The following TTC21A variants were observed in gnomAD, a reference collection of about 807,000 sequenced individuals.
The protein encoded by TTC21A is tetratricopeptide repeat protein 21A.
A neutral mutation model predicts 156.4 loss-of-function variants in TTC21A; 128 were observed. The observed-to-expected ratio is 0.82, with a 90% confidence interval of 0.71 to 0.95. The LOEUF is 0.95. Among genes scored for constraint, TTC21A ranks in the 40% least tolerant of loss-of-function variants. TTC21A has a pLI of 0.00. For missense variants in TTC21A, 1,435 were observed against 1,602.3 expected (o/e 0.90, Z 1.78); for synonymous variants, 587 against 617.1 (o/e 0.95, Z 0.72).
intron 6 of TTC21A, among the ~76,000 whole-genome samples, chr3:39,116,384 G>A (rs1389279817): frequency 6.6e-6 from 1 of 151,850 alleles, no homozygotes; most frequent in Non-Finnish European, 1.5e-5. Flanking sequence ...TTTGAGTTTT[G>A]TAGCTCCTTT....
chr3:39,138,567 G>A lies in TTC21A; in HGVS notation c.3808G>A (p.Ala1270Thr). ...HANPAIGFKL[A>T]FNYLKDKKFV... ...CATGTCCCCGGTAGGCTTCAAACTT[G>A]CTTTCAACTACCTGAAGGACAAGAA... is the stretch of plus-strand genomic sequence containing the variant. The change falls in exon 28 of 29, where the codon GCT (alanine) becomes ACT (threonine). Residue 1270 changes from alanine (A) to threonine (T), a missense_variant. By Grantham distance (58) the Ala-to-Thr change is moderately conservative (BLOSUM62 0). Transcript: ENST00000683103. The A allele has an allele frequency of 6.2e-7, 1 of 1,614,206 alleles. No individual in the cohort carries two copies. The highest frequency in any genetic ancestry group is 1.1e-5 in the South Asian group (1 of 91,088).
chr3:39,134,085 G>T lies in TTC21A; in HGVS notation c.2752-133G>T, dbSNP rs784492. The T allele has an allele frequency of 0.73, 513,157 of 703,252 alleles. 190,005 individuals carry two copies. Among genetic ancestry groups the T allele is most frequent in the South Asian group, 0.79 (49,286 of 62,182 alleles). The allele number at this position is 703,252 out of a possible 1,614,324, so 43.6% of individuals were successfully genotyped here. On this transcript the variant is annotated intron_variant, in intron 20 of 28. Coordinates refer to ENST00000683103, the MANE Select transcript of TTC21A (RefSeq NM_001366900.1). This position sits in a 1 kb window ranked among gnomAD's most constrained non-coding sequence, Gnocchi z 4.6. ...AGAAGGGGAAGGCCAGGACGTTCACGTGGGGAATTCGAGACATATTTTGAA... is the reference window on the plus strand; with the variant it reads ...AGAAGGGGAAGGCCAGGACGTTCACTTGGGGAATTCGAGACATATTTTGAA...
chr3:39,109,082 C>A lies in TTC21A; in HGVS notation c.28-3C>A. 1 of 1,613,180 alleles carries A rather than the reference C, an allele frequency of 6.2e-7. No individual in the cohort carries two copies. The highest frequency in any genetic ancestry group is 8.5e-7 in the Non-Finnish European group (1 of 1,179,234). ...TATTGCAGTTATGTCTTCCTTCATA[C>A]AGGCTGGGATCATTTACTATAGCCA... is the stretch of plus-strand genomic sequence containing the variant. On this transcript the variant is annotated splice_polypyrimidine_tract_variant and splice_region_variant and intron_variant, in intron 1 of 28. Coordinates refer to ENST00000683103, the MANE Select transcript of TTC21A (RefSeq NM_001366900.1).
At chr3:39,108,529 T>C (rs1028739512) in intron 1 of TTC21A, among the ~76,000 whole-genome samples, 4 of 152,360 alleles carry the variant, frequency 2.6e-5, no homozygotes, top group South Asian at 4.1e-4. Context: ...GGATGGTGTC[T>C]GGGCTCTTTC....
At chr3:39,126,576 G>T (rs1042061960) in intron 12 of TTC21A, among the ~76,000 whole-genome samples, 186 bp downstream of exon 12, 1 of 143,960 alleles carries the variant, frequency 6.9e-6, no homozygotes, top group Non-Finnish European at 1.5e-5. Context: ...CTCCTTGCCT[G>T]GGGTACTACA....
In TTC21A at chr3:39,130,448, G is replaced by A; in HGVS notation, c.2319+90G>A. On this transcript the variant is annotated intron_variant, in intron 17 of 28. Coordinates refer to ENST00000683103, the MANE Select transcript of TTC21A (RefSeq NM_001366900.1). The surrounding 1 kb of genome is among the most constrained non-coding windows in gnomAD (Gnocchi z 4.5). ...TACATGACTGGGGAGCTCTGGGTGG[G>A]AGGAGAGTGGCTGACTTTTCACTCA... 8.8e-7 allele frequency: 1 copy of A among 1,131,156 alleles called. No individual in the cohort carries two copies. The highest frequency in any genetic ancestry group is 1.3e-6 in the Non-Finnish European group (1 of 796,636). The allele number at this position is 1,131,156 out of a possible 1,614,324, so 70.1% of individuals were successfully genotyped here.
rs368418510 is a variant in TTC21A, at chr3:39,133,049, G to A, written c.2563-3G>A. The A allele has an allele frequency of 6.8e-6, 11 of 1,613,804 alleles. No homozygotes were observed. The highest frequency in any genetic ancestry group is 1.7e-5 in the Admixed American group (1 of 59,972). Reference sequence around the variant, plus strand: ...CTGATCCTGGCTTGATTGGTTTCTCGAGGCCTTGGACCTCCAGTCTCGGAT... The same window carrying A: ...CTGATCCTGGCTTGATTGGTTTCTCAAGGCCTTGGACCTCCAGTCTCGGAT... On this transcript the variant is annotated splice_region_variant and splice_polypyrimidine_tract_variant and intron_variant, in intron 19 of 28. Transcript: ENST00000683103.
At chr3:39,132,358 T>A (rs1179682015) in intron 19 of TTC21A, among the ~76,000 whole-genome samples, 1 of 152,210 alleles carries the variant, frequency 6.6e-6, no homozygotes, top group Non-Finnish European at 1.5e-5. Context: ...GGGCTGCCCC[T>A]GATCCGAGAG....
chr3:39,120,054 C>A, intron 8 of TTC21A, 34 bp downstream of exon 8: 1 of 1,434,746 alleles, frequency 7.0e-7, no homozygotes, highest in Non-Finnish European at 9.8e-7. Flanking sequence ...TGAAATGGTG[C>A]TTCTCCCTGC....
rs1041786979 is a variant in TTC21A at position 39,107,857 on chromosome 3, C to T, written c.20C>T (p.Ser7Phe). 1.9e-6 allele frequency: 3 copies of T among 1,613,060 alleles called. No individual in the cohort carries two copies. Among genetic ancestry groups the T allele is most frequent in the Admixed American group, 1.7e-5 (1 of 60,024 alleles). MSSNDS[S>F]LMAGIIYYSQ... Reference sequence around the variant, plus strand: ...CCCGAGATGAGCAGCAATGACTCCTCCCTTATGGTGCGTGGCCCGGGCGCT... The same window carrying T: ...CCCGAGATGAGCAGCAATGACTCCTTCCTTATGGTGCGTGGCCCGGGCGCT... The change falls in exon 1 of 29, where the codon TCC becomes TTC. Residue 7 changes from serine (S) to phenylalanine (F), a missense_variant. By Grantham distance (155) the Ser-to-Phe change is radical. Coordinates refer to ENST00000683103, the MANE Select transcript of TTC21A (RefSeq NM_001366900.1).
intron 9 of TTC21A, 107 bp from the exon 10 acceptor site, chr3:39,124,956 A>C (rs2038095074): frequency 1.3e-6 from 1 of 772,020 alleles, no homozygotes; most frequent in Non-Finnish European, 2.3e-6. Flanking sequence ...AAGATCCCCT[A>C]CACTGAGACA....
At position 39,134,144 on chromosome 3, in the gene TTC21A, G is replaced by T; in HGVS notation, c.2752-74G>T. 1.1e-6 allele frequency: 1 copy of T among 905,272 alleles called. No homozygotes were observed. Among genetic ancestry groups the T allele is most frequent in the South Asian group, 1.4e-5 (1 of 73,616 alleles). The allele number at this position is 905,272 out of a possible 1,614,324, so 56.1% of individuals were successfully genotyped here. ...TGATAGAAGTGGGGTGTGAGGGAAA[G>T]AGCTGTCAAGGATAACCCCAGGGGT... On this transcript the variant is annotated intron_variant, in intron 20 of 28. Transcript: ENST00000683103. This position sits in a 1 kb window ranked among gnomAD's most constrained non-coding sequence, Gnocchi z 4.6.
chr3:39,131,391 A>C, intron 19 of TTC21A: 1 of 287,988 alleles, frequency 3.5e-6, no homozygotes, highest in African/African-American at 2.2e-5. Context: ...GCTCCCATGC[A>C]TTGAAAGCTC....
Position 39,125,346 on chromosome 3 carries a change from C to G in TTC21A, c.1206C>G (p.Leu402=). Reference sequence around the variant, plus strand: ...CTCTTCCACAGGTGCTAATTTTCCTCCAAGCCCTCCTGATGTCCAGGAAGC... The same window carrying G: ...CTCTTCCACAGGTGCTAATTTTCCTGCAAGCCCTCCTGATGTCCAGGAAGC... ...SLGKSEVLIF[L]QALLMSRKHK... Residue 402 remains leucine (L), a synonymous_variant, in exon 11 of 29, where the codon CTC becomes CTG. Coordinates refer to ENST00000683103, the MANE Select transcript of TTC21A (RefSeq NM_001366900.1). 1 of 1,614,060 alleles carries G rather than the reference C, an allele frequency of 6.2e-7. No homozygotes were observed. The highest frequency in any genetic ancestry group is 8.5e-7 in the Non-Finnish European group (1 of 1,180,006).
Position 39,125,480 on chromosome 3 carries a change from C to G in TTC21A, c.1340C>G (p.Pro447Arg). The change falls in exon 11 of 29, where the codon CCG (proline) becomes CGG (arginine). Residue 447 changes from proline (P) to arginine (R), a missense_variant. Transcript: ENST00000683103. ...TCTGAGTACTTTGAAAAGCTGGACC[C>G]GTACTTCCTGGTCTGCATTGCTAAG... is the stretch of plus-strand genomic sequence containing the variant. The part of the protein sequence containing the change: ...LGSEYFEKLD[P>R]YFLVCIAKEY... 6.2e-7 allele frequency: 1 copy of G among 1,614,052 alleles called. No homozygotes were observed. The highest frequency in any genetic ancestry group is 2.2e-5 in the East Asian group (1 of 44,880).
intron 6 of TTC21A, among the ~76,000 whole-genome samples, chr3:39,117,085 C>T (rs911330906): frequency 2.0e-5 from 3 of 152,152 alleles, no homozygotes; most frequent in African/African-American, 7.2e-5. Context: ...GAAGTCTGTG[C>T]GTGTCCCTTG....
chr3:39,138,503 G>A (rs116054263), intron 27 of TTC21A, 53 bp from the exon 28 acceptor site: 2 of 1,612,260 alleles, frequency 1.2e-6, no homozygotes, highest in African/African-American at 2.7e-5. Flanking sequence ...AGAACCAGAG[G>A]GGTTCTCAGG....
In TTC21A at chr3:39,138,852, A is replaced by T; in HGVS notation, c.*64A>T. 1.4e-6 allele frequency: 2 copies of T among 1,392,190 alleles called. No homozygotes were observed. Among genetic ancestry groups the T allele is most frequent in the African/African-American group, 2.8e-5 (2 of 70,818 alleles). 86.2% of individuals were successfully genotyped at this position (1,392,190 alleles called of 1,614,324 possible). On this transcript the variant is annotated 3_prime_UTR_variant, in exon 29 of 29. Coordinates refer to ENST00000683103, the MANE Select transcript of TTC21A (RefSeq NM_001366900.1). ...CTACTGAAGTTGTGTGGAGGGATGG[A>T]AAGTGGGTCAGTGGAGAAGGGATTC...
At chr3:39,116,434 T>C (rs1031555500) in intron 6 of TTC21A, among the ~76,000 whole-genome samples, 6 of 152,064 alleles carry the variant, frequency 3.9e-5, no homozygotes, top group African/African-American at 1.5e-4. Context: ...GTATTATAAA[T>C]TCTATATCAT....
Sources: allele counts gnomAD v4.1 joint callset (sites outside exome capture counted in the v4.1 genomes callset), GRCh38; gene constraint gnomAD v4.1.1; non-coding constraint Gnocchi (gnomAD v3.1); transcripts MANE v1.5; gene names NCBI Gene and HGNC (gene_info 2026-07-23, HGNC 2026-07-21).